DLG2: variants seen among roughly 807,000 people sequenced by gnomAD.
DLG2 encodes the protein disks large homolog 2.
In DLG2, 45 loss-of-function variants were observed where a neutral mutation model predicts 132.5. That is an observed-to-expected ratio of 0.34 (90% CI 0.27 to 0.44). The LOEUF (loss-of-function observed/expected upper bound fraction) is 0.44. DLG2 is among the 20% of genes least tolerant of loss of function. DLG2 has a pLI of 1.00. For synonymous variants in DLG2, 424 were observed against 419.6 expected (o/e 1.01, Z -0.13); for missense variants, 1,045 against 1,196.9 (o/e 0.87, Z 1.87).
intron 19 of DLG2, among the ~76,000 whole-genome samples, chr11:83,608,006 C>T (rs1013456751): frequency 1.3e-5 from 2 of 152,026 alleles, no homozygotes; most frequent in South Asian, 4.2e-4. Context: ...GGCATGAGGA[C>T]GTCTTACGGG....
At chr11:84,847,533 A>T (rs2081628344) in intron 6 of DLG2, among the ~76,000 whole-genome samples, 1 of 152,156 alleles carries the variant, frequency 6.6e-6, no homozygotes, top group South Asian at 2.1e-4. Flanking sequence ...AATCTAGAAA[A>T]ATATGACCAA....
At chr11:84,783,027 A>C (rs1215721563) in intron 6 of DLG2, among the ~76,000 whole-genome samples, 1 of 152,052 alleles carries the variant, frequency 6.6e-6, no homozygotes, top group Non-Finnish European at 1.5e-5. Flanking sequence ...TCTTCCTATA[A>C]CTCTCTTGCT....
At chr11:85,219,125 A>T (rs1295756382) in intron 4 of DLG2, among the ~76,000 whole-genome samples, 2 of 152,174 alleles carry the variant, frequency 1.3e-5, no homozygotes, top group Non-Finnish European at 2.9e-5. Flanking sequence ...ATCAGGTACC[A>T]TGCTCATTAC....
At position 85,003,968 on chromosome 11, in the gene DLG2, G is replaced by T. The variant is rs556309737; in HGVS notation, c.357+107693C>A. ...TCCCACTTATGAGTGAGAACATGCGGTATTTGGTTTTCTGTTCCTGTGTTA... is the reference window on the plus strand; with the variant it reads ...TCCCACTTATGAGTGAGAACATGCGTTATTTGGTTTTCTGTTCCTGTGTTA... On this transcript the variant is annotated intron_variant, in intron 6 of 27. Transcript: ENST00000376104. 2.6e-5 allele frequency among the ~76,000 whole-genome samples: 4 copies of T among 152,248 alleles called. No individual in the cohort carries two copies. The East Asian group carries it at 7.7e-4, about 29-fold the overall frequency.
chr11:83,538,684 G>A (rs1304770439), intron 20 of DLG2, among the ~76,000 whole-genome samples: 2 of 152,154 alleles, frequency 1.3e-5, no homozygotes, highest in Non-Finnish European at 2.9e-5. Flanking sequence ...AAAGCACCTG[G>A]TGCAATACAT....
intron 4 of DLG2, among the ~76,000 whole-genome samples, chr11:85,191,143 TGCGCGCGCGCGCAC>T (rs757028248): frequency 9.9e-5 from 14 of 141,216 alleles, no homozygotes; most frequent in Non-Finnish European, 2.0e-4. Flanking sequence ...TCTATATGCA[TGCGCGCGCGCGCAC>T]GCGCGCACAC....
intron 6 of DLG2, among the ~76,000 whole-genome samples, chr11:84,658,564 T>A (rs953805304): frequency 6.6e-6 from 1 of 152,070 alleles, no homozygotes; most frequent in Admixed American, 6.6e-5. Flanking sequence ...GTGGGAGGTG[T>A]TACAGTCATG....
rs145060182 is a variant in DLG2 at position 85,550,573 on chromosome 11, CAGG to C, written c.40+48081_40+48083del. Among the ~76,000 whole-genome samples, 1,421 of 152,340 alleles carry C rather than the reference CAGG, an allele frequency of 9.3e-3. 19 individuals are homozygous for C. The highest frequency in any genetic ancestry group is 0.032 in the African/African-American group (1,342 of 41,580). Reference sequence around the variant, plus strand: ...TCAAGCACTCATGCACGCCAGTTCCCAGGAGGAGTTGAGAGCGGCAGGCTGAGT... The same window carrying C: ...TCAAGCACTCATGCACGCCAGTTCCCAGGAGTTGAGAGCGGCAGGCTGAGT... On this transcript the variant is annotated intron_variant, in intron 3 of 27. Transcript: ENST00000376104.
chr11:84,694,585 C>T (rs2058416239), intron 6 of DLG2, among the ~76,000 whole-genome samples: 1 of 151,412 alleles, frequency 6.6e-6, no homozygotes. Flanking sequence ...CGACCTACGA[C>T]ATGAATCCTA....
chr11:85,095,111 T>C (rs1394756396), intron 6 of DLG2, among the ~76,000 whole-genome samples: 2 of 152,200 alleles, frequency 1.3e-5, no homozygotes, highest in Non-Finnish European at 2.9e-5. Context: ...CTTGATCCTA[T>C]ATGGGCACAT....
In DLG2 at chr11:84,844,922, G is replaced by A. The variant is rs144833656; in HGVS notation, c.357+266739C>T. Among the ~76,000 whole-genome samples, 16 of 152,238 alleles carry A rather than the reference G, an allele frequency of 1.1e-4. No individual in the cohort carries two copies. The East Asian group carries it at 2.5e-3, about 24-fold the overall frequency. On this transcript the variant is annotated intron_variant, in intron 6 of 27. Coordinates refer to ENST00000376104, the MANE Select transcript of DLG2 (RefSeq NM_001142699.3). ...AAGTGCAAAATGAATGGATTGATAT[G>A]CAAATGATAAGCAAATCCAGTGAAT...
chr11:84,567,442 CATATTTGATG>C (rs1450535512), intron 6 of DLG2, among the ~76,000 whole-genome samples: 1 of 152,182 alleles, frequency 6.6e-6, no homozygotes, highest in Non-Finnish European at 1.5e-5. Flanking sequence ...AAATTACTCA[CATATTTGATG>C]ATCCCTTGAT....
At chr11:85,243,602 GC>G (rs1423448513) in intron 4 of DLG2, among the ~76,000 whole-genome samples, 1 of 151,966 alleles carries the variant, frequency 6.6e-6, no homozygotes, top group Non-Finnish European at 1.5e-5. Flanking sequence ...AGGGTTCAAA[GC>G]AGCAGTTGGC....
In DLG2 at chr11:83,793,793, T is replaced by C. The variant is rs552192428; in HGVS notation, c.1723-7001A>G. On this transcript the variant is annotated intron_variant, in intron 17 of 27. Coordinates refer to ENST00000376104, the MANE Select transcript of DLG2 (RefSeq NM_001142699.3). Reference sequence around the variant, plus strand: ...GCAAATAGTATCTATTATTATTGTTTTAGCATTTCTTCAAAGAGCTGTGAT... The same window carrying C: ...GCAAATAGTATCTATTATTATTGTTCTAGCATTTCTTCAAAGAGCTGTGAT... Among the ~76,000 whole-genome samples, 70 of 152,338 alleles carry C rather than the reference T, an allele frequency of 4.6e-4. 1 individual carries two copies. The highest frequency in any genetic ancestry group is 6.8e-3 in the Middle Eastern group (2 of 294).
At chr11:85,434,996 G>T (rs2091400569) in intron 3 of DLG2, among the ~76,000 whole-genome samples, 1 of 152,118 alleles carries the variant, frequency 6.6e-6, no homozygotes, top group African/African-American at 2.4e-5. Context: ...CTTCATCCCT[G>T]GGATGCAAGG....
chr11:84,664,650 G>A (rs1025364254), intron 6 of DLG2, among the ~76,000 whole-genome samples: 7 of 152,136 alleles, frequency 4.6e-5, no homozygotes, highest in African/African-American at 7.2e-5. Context: ...CAGATGGGAA[G>A]TAGGGCACTG....
chr11:84,615,804 C>A, intron 6 of DLG2, among the ~76,000 whole-genome samples: 1 of 82,892 alleles, frequency 1.2e-5, no homozygotes. Context: ...GAGAAAATTT[C>A]AGGACAAAAA....
chr11:84,032,075 G>A (rs181661495), intron 11 of DLG2, among the ~76,000 whole-genome samples: 11 of 152,102 alleles, frequency 7.2e-5, no homozygotes, highest in Non-Finnish European at 1.3e-4. Context: ...ACCTGTTCTC[G>A]CTCCCTCTTC....
At chr11:84,524,369 C>T (rs1314770935) in intron 7 of DLG2, among the ~76,000 whole-genome samples, 1 of 152,174 alleles carries the variant, frequency 6.6e-6, no homozygotes, top group Non-Finnish European at 1.5e-5. Flanking sequence ...CTGTTTGTAC[C>T]CTTTCCAGTT....
Sources: gnomAD v4.1 joint callset for allele counts (sites outside exome capture counted in the v4.1 genomes callset) on GRCh38, gnomAD v4.1.1 for gene constraint, MANE v1.5 for transcripts, NCBI Gene and HGNC (gene_info 2026-07-23, HGNC 2026-07-21) for gene names.